The following DLGAP2 variants were observed in gnomAD, a reference collection of about 807,000 sequenced individuals.
The protein encoded by DLGAP2 is disks large-associated protein 2.
A neutral mutation model predicts 100.3 loss-of-function variants in DLGAP2; 26 were observed. The ratio of observed to expected loss-of-function variants is 0.26; its 90% CI spans 0.19 to 0.36. The LOEUF (loss-of-function observed/expected upper bound fraction) is 0.36. Among genes scored for constraint, DLGAP2 ranks in the 10% least tolerant of loss-of-function variants. DLGAP2 has a pLI of 1.00. For synonymous variants in DLGAP2, 886 were observed against 630.1 expected, an observed-to-expected ratio of 1.41 and a Z score of -6.08; for missense variants, 1,858 against 1,453.2, an observed-to-expected ratio of 1.28 and a Z score of -4.53.
intron 3 of DLGAP2, among the ~76,000 whole-genome samples, chr8:1,280,656 G>A (rs1799796906): frequency 6.6e-6 from 1 of 152,230 alleles, no homozygotes; most frequent in Non-Finnish European, 1.5e-5. Context: ...CAGGGCCCAT[G>A]TGAGCAGGTG....
chr8:869,675 C>A (rs1051803237), intron 1 of DLGAP2, among the ~76,000 whole-genome samples: 1 of 152,164 alleles, frequency 6.6e-6, no homozygotes, highest in African/African-American at 2.4e-5. Flanking sequence ...AATGAATATG[C>A]GCATGTTTTG....
chr8:837,110 A>G (rs988855502), intron 1 of DLGAP2, among the ~76,000 whole-genome samples: 1 of 152,230 alleles, frequency 6.6e-6, no homozygotes, highest in Non-Finnish European at 1.5e-5. Context: ...TACCCCCAGC[A>G]TCTCCATGTT....
intron 3 of DLGAP2, among the ~76,000 whole-genome samples, chr8:1,470,086 C>T (rs1798738056): frequency 6.6e-6 from 1 of 152,094 alleles, no homozygotes; most frequent in South Asian, 2.1e-4. Flanking sequence ...CACTTGAGCC[C>T]AGGAGGTCAA....
chr8:1,002,727 AGTC>A (rs2129018487), intron 2 of DLGAP2: 1 of 152,402 alleles, frequency 6.6e-6, no homozygotes, highest in South Asian at 2.1e-4. Context: ...GAAACTGAGA[AGTC>A]GTGGATGATA....
intron 2 of DLGAP2, among the ~76,000 whole-genome samples, chr8:912,275 G>T (rs540143769): frequency 5.9e-5 from 9 of 152,338 alleles, no homozygotes; most frequent in African/African-American, 2.2e-4. Flanking sequence ...AATTGACAAT[G>T]AATGTAAAAT....
At chr8:1,541,107 A>C (rs1801348412) in intron 4 of DLGAP2, among the ~76,000 whole-genome samples, 1 of 152,220 alleles carries the variant, frequency 6.6e-6, no homozygotes. Flanking sequence ...GAGCAATTCC[A>C]GCCTTGGAAA....
At chr8:1,524,214 G>A (rs1800713263) in intron 4 of DLGAP2, among the ~76,000 whole-genome samples, 1 of 152,112 alleles carries the variant, frequency 6.6e-6, no homozygotes, top group Non-Finnish European at 1.5e-5. Flanking sequence ...TGTTCCCAGA[G>A]CCCATCTGAG....
chr8:1,504,717 G>A (rs1799845892), intron 4 of DLGAP2, among the ~76,000 whole-genome samples: 1 of 152,168 alleles, frequency 6.6e-6, no homozygotes, highest in African/African-American at 2.4e-5. Context: ...GCAAATGCTA[G>A]GATTTCTCAC....
chr8:1,663,984 C>A (rs73672912), intron 8 of DLGAP2, among the ~76,000 whole-genome samples: 1 of 152,062 alleles, frequency 6.6e-6, no homozygotes, highest in African/African-American at 2.4e-5. Flanking sequence ...GCCTGCAGAC[C>A]GCTGGGGAAA....
At chr8:1,065,464 G>A (rs1032510907) in intron 2 of DLGAP2, among the ~76,000 whole-genome samples, 22 of 152,198 alleles carry the variant, frequency 1.4e-4, no homozygotes, top group Admixed American at 6.5e-5. Context: ...TGCTGGAGTC[G>A]ACAGTTTCTG....
intron 3 of DLGAP2, among the ~76,000 whole-genome samples, chr8:1,323,258 G>C (rs1206665396): frequency 6.6e-6 from 1 of 152,106 alleles, no homozygotes; most frequent in Non-Finnish European, 1.5e-5. Context: ...TTGAACTCCT[G>C]AGGTCAGGCA....
intron 6 of DLGAP2, among the ~76,000 whole-genome samples, chr8:1,594,854 C>T (rs1406058913): frequency 1.3e-5 from 2 of 152,144 alleles, no homozygotes; most frequent in Admixed American, 1.3e-4. Flanking sequence ...CTGTGCTCTA[C>T]CTCCTGCCAG....
intron 3 of DLGAP2, among the ~76,000 whole-genome samples, chr8:1,425,261 AAAG>A (rs1797206617): frequency 6.6e-6 from 1 of 152,194 alleles, no homozygotes; most frequent in Non-Finnish European, 1.5e-5. Context: ...TCTGTATTTT[AAAG>A]AATATAAAAG....
intron 3 of DLGAP2, among the ~76,000 whole-genome samples, chr8:1,464,287 G>GGACAGCACCCTTCCAGGACAGCT (rs1563164846): frequency 3.4e-5 from 1 of 29,790 alleles, no homozygotes; most frequent in East Asian, 4.8e-3. Context: ...CCAGGACAAC[G>GGACAGCACCCTTCCAGGACAGCT]CCCTTCCAGG....
intron 1 of DLGAP2, among the ~76,000 whole-genome samples, chr8:884,253 A>G (rs184284958): frequency 6.6e-6 from 1 of 152,314 alleles, no homozygotes; most frequent in Non-Finnish European, 1.5e-5. Context: ...GTACATTCCC[A>G]CCAACAGTGT....
intron 2 of DLGAP2, chr8:1,002,517 GC>G (rs764417855): frequency 1.1e-4 from 17 of 152,238 alleles, no homozygotes; most frequent in Non-Finnish European, 2.5e-4. Flanking sequence ...ACAGCTCTGG[GC>G]TGGGTACCTG....
At chr8:1,549,817 T>G in intron 5 of DLGAP2, 134 bp downstream of exon 5, 1 of 1,048,394 alleles carries the variant, frequency 9.5e-7, no homozygotes, top group Non-Finnish European at 1.3e-6. Flanking sequence ...GCTACGGATA[T>G]GTTCTGGGAC....
intron 2 of DLGAP2, among the ~76,000 whole-genome samples, chr8:1,001,709 C>T (rs965379368): frequency 1.3e-5 from 2 of 152,144 alleles, no homozygotes; most frequent in Non-Finnish European, 2.9e-5. Flanking sequence ...GGCAGCAAGC[C>T]ATTTATCTTT....
intron 6 of DLGAP2, among the ~76,000 whole-genome samples, chr8:1,593,931 T>C (rs1185193101): frequency 6.6e-6 from 1 of 152,230 alleles, no homozygotes; most frequent in Non-Finnish European, 1.5e-5. Flanking sequence ...AGAACTGGCA[T>C]CTACCTTCCA....
Sources: allele counts gnomAD v4.1 joint callset (sites outside exome capture counted in the v4.1 genomes callset), GRCh38; gene constraint gnomAD v4.1.1; transcripts MANE v1.5; gene names NCBI Gene and HGNC (gene_info 2026-07-23, HGNC 2026-07-21).